The following RBMS2 variants were observed in gnomAD, a reference collection of about 807,000 sequenced individuals.
The protein encoded by RBMS2 is RNA-binding motif, single-stranded-interacting protein 2.
RBMS2 carries 38 observed loss-of-function variants against 58.4 expected under a neutral mutation model. That is an observed-to-expected ratio of 0.65 (90% CI 0.50 to 0.85). The LOEUF is 0.85. Ranked by LOEUF, RBMS2 falls within the 40% of genes least tolerant of loss-of-function variation. The pLI is 0.00. For synonymous variants in RBMS2, 151 were observed against 180.7 expected (o/e 0.84, Z 1.32); for missense variants, 367 against 503.7 (o/e 0.73, Z 2.60).
chr12:56,567,347 T>G (rs1343297043), intron 2 of RBMS2, among the ~76,000 whole-genome samples: 3 of 146,382 alleles, frequency 2.0e-5, no homozygotes, highest in African/African-American at 5.1e-5. Flanking sequence ...ATCACACCAT[T>G]GCACTCCAGC....
In RBMS2 at chr12:56,592,526, T is replaced by G. The variant is rs905368329; in HGVS notation, c.*3393T>G. On this transcript the variant is annotated 3_prime_UTR_variant, in exon 14 of 14. Transcript: ENST00000262031. ...GAGATGTTTTTATTTTATTTTATTT[T>G]TTCAGACAGAGTCTTGCTCTGTCGC... is the stretch of plus-strand genomic sequence containing the variant. 2 of 152,302 alleles carry G rather than the reference T, an allele frequency of 1.3e-5. No individual in the cohort carries two copies. Among genetic ancestry groups the G allele is most frequent in the Non-Finnish European group, 2.9e-5 (2 of 68,110 alleles). 9.4% of individuals were successfully genotyped at this position (152,302 alleles called of 1,614,324 possible). A position where few individuals can be genotyped will look rare whatever the true frequency, so the allele number is the denominator to read the frequency against.
intron 1 of RBMS2, among the ~76,000 whole-genome samples, chr12:56,532,182 G>T (rs560208841): frequency 1.5e-3 from 228 of 152,074 alleles, no homozygotes; most frequent in Middle Eastern, 6.8e-3. Context: ...TCGTGCCGTT[G>T]TACTCCAGCC....
intron 4 of RBMS2, among the ~76,000 whole-genome samples, chr12:56,570,401 C>T (rs1238718188): frequency 2.0e-5 from 3 of 152,130 alleles, no homozygotes; most frequent in Non-Finnish European, 2.9e-5. Context: ...TGTTGTTCCC[C>T]ATACGGGCTG....
At chr12:56,536,916 C>T (rs1192438125) in intron 1 of RBMS2, among the ~76,000 whole-genome samples, 2 of 146,796 alleles carry the variant, frequency 1.4e-5, no homozygotes, top group Admixed American at 6.9e-5. Flanking sequence ...AATTTACCAT[C>T]TTGAACTTTT....
chr12:56,550,853 T>A (rs11837558), intron 1 of RBMS2, among the ~76,000 whole-genome samples: 57,455 of 142,176 alleles, frequency 0.4, 12,133 homozygotes, highest in East Asian at 0.54. Flanking sequence ...AAAAAATAAA[T>A]AAATAAATAA....
intron 9 of RBMS2, among the ~76,000 whole-genome samples, chr12:56,586,506 A>T (rs1418964146): frequency 6.6e-6 from 1 of 151,744 alleles, no homozygotes; most frequent in Non-Finnish European, 1.5e-5. Context: ...AACCTCTTTC[A>T]TGTACTCATT....
At chr12:56,575,114 GCTTCAGCCTGGGCGACATGCA>G (rs935760310) in intron 5 of RBMS2, among the ~76,000 whole-genome samples, 5 of 151,560 alleles carry the variant, frequency 3.3e-5, no homozygotes, top group Non-Finnish European at 7.4e-5. Context: ...GCACCAAGGC[GCTTCAGCCTGGGCGACATGCA>G]CTTCAGCCTG....
chr12:56,557,385 C>CA (rs1446306737), intron 1 of RBMS2, among the ~76,000 whole-genome samples: 27 of 152,112 alleles, frequency 1.8e-4, no homozygotes, highest in African/African-American at 6.0e-4. Context: ...AATATTTTTC[C>CA]ACCATTTTTC....
At chr12:56,565,666 T>C (rs1881218523) in intron 2 of RBMS2, among the ~76,000 whole-genome samples, 1 of 152,108 alleles carries the variant, frequency 6.6e-6, no homozygotes, top group Admixed American at 6.6e-5. Context: ...AGCAGGTGGG[T>C]GGAGCCCTCT....
intron 9 of RBMS2, 23 bp from the exon 10 acceptor site, chr12:56,586,826 A>AT (rs1313613851): frequency 1.3e-6 from 2 of 1,590,844 alleles, no homozygotes; most frequent in African/African-American, 2.7e-5. Context: ...GGCAATTAAC[A>AT]TTTTTGTTTT....
At chr12:56,544,523 G>C (rs2939306) in intron 1 of RBMS2, among the ~76,000 whole-genome samples, 143,865 of 152,212 alleles carry the variant, frequency 0.95, 68,350 homozygotes, top group East Asian at 1. Flanking sequence ...TCATGGTAAC[G>C]TCTGGTAACC....
chr12:56,536,346 A>G (rs1874829506), intron 1 of RBMS2, among the ~76,000 whole-genome samples: 2 of 151,240 alleles, frequency 1.3e-5, no homozygotes, highest in South Asian at 4.2e-4. Context: ...CTGTTCTTGA[A>G]CTCCTGGACT....
intron 2 of RBMS2, among the ~76,000 whole-genome samples, chr12:56,564,802 C>T (rs1428121416): frequency 6.6e-6 from 1 of 152,122 alleles, no homozygotes; most frequent in Non-Finnish European, 1.5e-5. Flanking sequence ...GGTTAAACCC[C>T]GTCTGTACTA....
chr12:56,538,763 A>C (rs557495401), intron 1 of RBMS2, among the ~76,000 whole-genome samples: 143 of 152,170 alleles, frequency 9.4e-4, no homozygotes, highest in African/African-American at 3.3e-3. Flanking sequence ...TACAGGCGTG[A>C]GCCACCGCAC....
chr12:56,561,758 AC>A (rs751439284), intron 1 of RBMS2, among the ~76,000 whole-genome samples: 17 of 28,642 alleles, frequency 5.9e-4, no homozygotes, highest in African/African-American at 9.4e-4. Context: ...CTCGTGATCC[AC>A]CCCCCCCCTC....
chr12:56,526,791 T>C (rs1242958585), intron 1 of RBMS2, among the ~76,000 whole-genome samples: 1 of 151,962 alleles, frequency 6.6e-6, no homozygotes, highest in Non-Finnish European at 1.5e-5. Context: ...AGGAAATGTT[T>C]GGGACTAAAG....
At chr12:56,548,793 A>T (rs1445849384) in intron 1 of RBMS2, among the ~76,000 whole-genome samples, 15 of 152,132 alleles carry the variant, frequency 9.9e-5, no homozygotes, top group Non-Finnish European at 2.2e-4. Flanking sequence ...CACTCATTTT[A>T]ACAAATATCC....
At chr12:56,553,455 A>G (rs1878649714) in intron 1 of RBMS2, among the ~76,000 whole-genome samples, 1 of 151,954 alleles carries the variant, frequency 6.6e-6, no homozygotes, top group South Asian at 2.1e-4. Context: ...TAGCCTCCCC[A>G]GTACTAAGAT....
chr12:56,537,294 A>G (rs145163498), intron 1 of RBMS2, among the ~76,000 whole-genome samples: 126 of 152,294 alleles, frequency 8.3e-4, no homozygotes, highest in African/African-American at 3.0e-3. Flanking sequence ...ACCCATCTCC[A>G]GAATTCTTTT....
Sources: gnomAD v4.1 joint callset for allele counts (sites outside exome capture counted in the v4.1 genomes callset) on GRCh38, gnomAD v4.1.1 for gene constraint, MANE v1.5 for transcripts, NCBI Gene and HGNC (gene_info 2026-07-23, HGNC 2026-07-21) for gene names.